RNGTT: variants seen among roughly 807,000 people sequenced by gnomAD.
The protein encoded by RNGTT is mRNA-capping enzyme.
A neutral mutation model predicts 79.3 loss-of-function variants in RNGTT; 33 were observed. The observed-to-expected ratio is 0.42, with a 90% CI of 0.32 to 0.56. RNGTT has a LOEUF of 0.56. Among genes scored for constraint, RNGTT ranks in the 20% least tolerant of loss-of-function variants. The probability of loss-of-function intolerance (pLI) is 0.17; values close to 1 mark genes in which losing one functional copy is unlikely to be tolerated. For synonymous variants in RNGTT, 222 were observed against 235.9 expected, an observed-to-expected ratio of 0.94 and a Z score of 0.54; for missense variants, 497 against 739.1, an observed-to-expected ratio of 0.67 and a Z score of 3.80.
chr6:88,643,807 G>A (rs968297254), intron 14 of RNGTT, among the ~76,000 whole-genome samples: 9 of 152,296 alleles, frequency 5.9e-5, no homozygotes, highest in African/African-American at 9.6e-5. Flanking sequence ...AAACCAACGC[G>A]AACAAAGACA....
chr6:88,958,581 G>T (rs1785510265), intron 1 of RNGTT, among the ~76,000 whole-genome samples: 1 of 151,980 alleles, frequency 6.6e-6, no homozygotes, highest in South Asian at 2.1e-4. Flanking sequence ...GACAAAAGAA[G>T]ATATACAGTT....
intron 12 of RNGTT, among the ~76,000 whole-genome samples, chr6:88,783,431 G>A (rs1311216711): frequency 6.6e-6 from 1 of 152,084 alleles, no homozygotes; most frequent in Admixed American, 6.5e-5. Context: ...GTACAAAAAT[G>A]GCAGGTAGAC....
intron 14 of RNGTT, among the ~76,000 whole-genome samples, chr6:88,622,585 TTCC>T (rs1680927722): frequency 6.6e-6 from 1 of 152,138 alleles, no homozygotes; most frequent in South Asian, 2.1e-4. Context: ...AAATCTGGTT[TTCC>T]TCCTCTATCC....
chr6:88,651,257 TATAATAATA>T (rs1311288912), intron 14 of RNGTT, among the ~76,000 whole-genome samples: 2 of 152,138 alleles, frequency 1.3e-5, no homozygotes, highest in African/African-American at 4.8e-5. Context: ...GTTCAAGAAC[TATAATAATA>T]TACTATATAT....
intron 11 of RNGTT, 87 bp downstream of exon 11, chr6:88,844,270 T>G: frequency 7.7e-7 from 1 of 1,295,636 alleles, no homozygotes; most frequent in Non-Finnish European, 1.1e-6. Flanking sequence ...TCAAGACAAC[T>G]GGGCAGCAAA....
chr6:88,693,896 C>T (rs184015735), intron 13 of RNGTT, among the ~76,000 whole-genome samples: 379 of 152,236 alleles, frequency 2.5e-3, no homozygotes, highest in Non-Finnish European at 4.2e-3. Flanking sequence ...TGACAAAATT[C>T]AACATCCTTT....
At chr6:88,645,425 T>G (rs1773507034) in intron 14 of RNGTT, among the ~76,000 whole-genome samples, 1 of 152,090 alleles carries the variant, frequency 6.6e-6, no homozygotes, top group Non-Finnish European at 1.5e-5. Context: ...ATGGCCATAC[T>G]GCCCAAAGTA....
Position 88,645,081 on chromosome 6 carries a change from C to T in RNGTT, c.1507-30686G>A, listed in dbSNP as rs138332660. 7.6e-3 allele frequency among the ~76,000 whole-genome samples: 1,154 copies of T among 152,294 alleles called. 20 individuals are homozygous for T. The highest frequency in any genetic ancestry group is 0.026 in the African/African-American group (1,093 of 41,544). ...TCAAATTGTCCCTGTTTGCAGATGA[C>T]ATGATTGTATATCTAGAAAACCCCA... is the stretch of plus-strand genomic sequence containing the variant. On this transcript the variant is annotated intron_variant, in intron 14 of 15. Transcript: ENST00000369485.
chr6:88,655,548 G>A (rs1339048106), intron 14 of RNGTT, among the ~76,000 whole-genome samples: 2 of 152,078 alleles, frequency 1.3e-5, no homozygotes, highest in Admixed American at 6.6e-5. Context: ...ACTCAGCAGG[G>A]ACAGAACCAG....
intron 13 of RNGTT, among the ~76,000 whole-genome samples, chr6:88,742,440 C>G (rs1386830663): frequency 6.6e-6 from 1 of 152,228 alleles, no homozygotes; most frequent in Non-Finnish European, 1.5e-5. Flanking sequence ...TTTACACATA[C>G]AGTTACATGA....
intron 14 of RNGTT, among the ~76,000 whole-genome samples, chr6:88,629,572 G>A (rs747337071): frequency 1.1e-4 from 17 of 151,950 alleles, no homozygotes; most frequent in Admixed American, 2.6e-4. Flanking sequence ...TTCCAGTGAG[G>A]GTAAGGAGAA....
At chr6:88,779,916 C>T (rs1779007926) in intron 12 of RNGTT, among the ~76,000 whole-genome samples, 1 of 152,120 alleles carries the variant, frequency 6.6e-6, no homozygotes, top group Non-Finnish European at 1.5e-5. Context: ...ATTGCTTGAA[C>T]CTGAAAGGCA....
At chr6:88,880,671 A>G (rs572077758) in intron 8 of RNGTT, among the ~76,000 whole-genome samples, 1 of 152,268 alleles carries the variant, frequency 6.6e-6, no homozygotes, top group African/African-American at 2.4e-5. Flanking sequence ...TTACAACAGT[A>G]CTTATTAAAA....
rs147332085 is a variant in RNGTT at position 88,890,874 on chromosome 6, A to G, written c.795-278T>C. Among the ~76,000 whole-genome samples, 21 of 152,356 alleles carry G rather than the reference A, an allele frequency of 1.4e-4. 1 individual carries two copies. In the East Asian group the frequency reaches 3.9e-3, roughly 28 times the overall value. ...TATTAGTATATATGATCTAAATAGT[A>G]AAGCAGGTATGTTTACAAGTCTTGT... On this transcript the variant is annotated intron_variant, in intron 7 of 15. Coordinates refer to ENST00000369485, the MANE Select transcript of RNGTT (RefSeq NM_003800.5).
chr6:88,931,187 T>TAAAAAAAAAAAA (rs34070183), intron 2 of RNGTT, among the ~76,000 whole-genome samples: 11 of 101,934 alleles, frequency 1.1e-4, no homozygotes, highest in Non-Finnish European at 1.3e-4. Context: ...TATAAAGCTG[T>TAAAAAAAAAAAA]AAAAAAAAAA....
rs145761181 is a variant in RNGTT, at chr6:88,679,353, CACA to C, written c.1440-937_1440-935del. Among the ~76,000 whole-genome samples the C allele has an allele frequency of 6.0e-3, 906 of 152,252 alleles. 7 individuals are homozygous for C. The highest frequency in any genetic ancestry group is 0.021 in the African/African-American group (868 of 41,536). On this transcript the variant is annotated intron_variant, in intron 13 of 15. Coordinates refer to ENST00000369485, the MANE Select transcript of RNGTT (RefSeq NM_003800.5). The stretch of plus-strand genomic sequence containing the variant: ...GTGGGTACACAAAGGGAGAAACTTA[CACA>C]ATGTCCTGAGAAAAAGATTTGAGAT...
At chr6:88,642,028 TGA>T (rs138018201) in intron 14 of RNGTT, among the ~76,000 whole-genome samples, 64 of 148,824 alleles carry the variant, frequency 4.3e-4, no homozygotes, top group Admixed American at 5.3e-4. Context: ...CCTTGTCATT[TGA>T]GAGAGAGAGA....
intron 1 of RNGTT, among the ~76,000 whole-genome samples, chr6:88,954,349 C>T (rs1050691164): frequency 6.6e-6 from 1 of 151,804 alleles, no homozygotes; most frequent in African/African-American, 2.4e-5. Flanking sequence ...TTATGTCAGA[C>T]AAAACAAACT....
chr6:88,819,746 C>T (rs577214672), intron 11 of RNGTT, among the ~76,000 whole-genome samples: 1 of 152,216 alleles, frequency 6.6e-6, no homozygotes, highest in South Asian at 2.1e-4. Context: ...CACTCTACCT[C>T]ATTAATCTCT....
Sources: gnomAD v4.1 joint callset for allele counts (sites outside exome capture counted in the v4.1 genomes callset) on GRCh38, gnomAD v4.1.1 for gene constraint, MANE v1.5 for transcripts, NCBI Gene and HGNC (gene_info 2026-07-23, HGNC 2026-07-21) for gene names.